The following PSD3 variants were observed in gnomAD, a reference collection of about 807,000 sequenced individuals.
PSD3 encodes pleckstrin and Sec7 domain containing 3, also known as PH and SEC7 domain-containing protein 3.
PSD3 carries 49 observed loss-of-function variants against 105.5 expected under a neutral mutation model. That is an observed-to-expected ratio of 0.46 (90% CI 0.37 to 0.59). PSD3 has a LOEUF of 0.59. PSD3 is among the 20% of genes least tolerant of loss of function. The pLI, the probability that PSD3 is intolerant of heterozygous loss-of-function variation, is 0.00. For synonymous variants in PSD3, 557 were observed against 457.8 expected (o/e 1.22, Z -2.77); for missense variants, 1,561 against 1,263.8 (o/e 1.24, Z -3.57).
intron 1 of PSD3, among the ~76,000 whole-genome samples, chr8:19,023,443 T>C (rs891589831): frequency 6.6e-6 from 1 of 150,752 alleles, no homozygotes; most frequent in Non-Finnish European, 1.5e-5. Flanking sequence ...TTATTATTTC[T>C]TTAGAGACAG....
At chr8:18,859,185 G>A (rs944512812) in intron 4 of PSD3, among the ~76,000 whole-genome samples, 3 of 149,906 alleles carry the variant, frequency 2.0e-5, no homozygotes, top group Non-Finnish European at 3.0e-5. Flanking sequence ...GTGACCAGGC[G>A]TCTTGTCAAT....
chr8:18,678,192 C>T lies in PSD3; in HGVS notation c.2173-22507G>A, dbSNP rs139929237. ...ACTACCAGATTTACTTTGTTCAACA[C>T]ACCACCTCCCTAATTCCTTCAAATG... On this transcript the variant is annotated intron_variant, in intron 9 of 15. Coordinates refer to ENST00000327040, the MANE Select transcript of PSD3 (RefSeq NM_015310.4). Among the ~76,000 whole-genome samples the T allele has an allele frequency of 2.4e-3, 365 of 152,218 alleles. 2 individuals carry two copies. The highest frequency in any genetic ancestry group is 8.4e-3 in the African/African-American group (348 of 41,552).
chr8:18,655,706 A>G (rs1379040462), intron 9 of PSD3, 21 bp from the exon 10 acceptor site: 4 of 1,607,422 alleles, frequency 2.5e-6, no homozygotes, highest in African/African-American at 2.7e-5. Context: ...AGAAAATGAG[A>G]TCACATTATT....
intron 1 of PSD3, among the ~76,000 whole-genome samples, chr8:18,962,420 G>A (rs1471431702): frequency 6.6e-6 from 1 of 152,174 alleles, no homozygotes; most frequent in Admixed American, 6.5e-5. Context: ...GAAATCTTTG[G>A]CTTTCATTAA....
intron 9 of PSD3, among the ~76,000 whole-genome samples, chr8:18,657,122 T>C (rs564367891): frequency 6.6e-6 from 1 of 152,196 alleles, no homozygotes; most frequent in African/African-American, 2.4e-5. Flanking sequence ...TAACCTCTTG[T>C]CTTTCAAACA....
chr8:19,083,756 T>A (rs559898815), intron 1 of PSD3, among the ~76,000 whole-genome samples: 1 of 152,180 alleles, frequency 6.6e-6, no homozygotes, highest in South Asian at 2.1e-4. Context: ...GTGGGGAGGA[T>A]GTTTGCCCAG....
chr8:19,083,352 G>A (rs1199891813), intron 1 of PSD3, among the ~76,000 whole-genome samples: 1 of 152,208 alleles, frequency 6.6e-6, no homozygotes, highest in African/African-American at 2.4e-5. Flanking sequence ...ACAACGGGAA[G>A]GCTGGGCCAG....
At chr8:19,074,605 ATATATATT>A (rs1829392253) in intron 1 of PSD3, among the ~76,000 whole-genome samples, 2 of 18,428 alleles carry the variant, frequency 1.1e-4, no homozygotes, top group East Asian at 1.6e-3. Flanking sequence ...ATATATATAT[ATATATATT>A]TTTTTTTTTT....
chr8:19,020,634 A>G (rs1472731778), intron 1 of PSD3, among the ~76,000 whole-genome samples: 1 of 152,024 alleles, frequency 6.6e-6, no homozygotes, highest in East Asian at 1.9e-4. Context: ...GCAAGGAGGT[A>G]AATTAGGAGG....
chr8:18,734,501 C>G (rs1250838597), intron 9 of PSD3: 1 of 152,122 alleles, frequency 6.6e-6, no homozygotes, highest in African/African-American at 2.4e-5. Flanking sequence ...TTCCTCCTGG[C>G]AAGATGATCT....
chr8:19,013,880 G>C (rs1329055872), upstream of PSD3, among the ~76,000 whole-genome samples: 1 of 150,578 alleles, frequency 6.6e-6, no homozygotes, highest in Non-Finnish European at 1.5e-5. Context: ...CTCGGGGAGG[G>C]GGGAGGTGGC....
intron 10 of PSD3, among the ~76,000 whole-genome samples, chr8:18,642,733 G>C (rs930575435): frequency 1.3e-5 from 2 of 152,108 alleles, no homozygotes; most frequent in Non-Finnish European, 2.9e-5. Context: ...ATCATATTTA[G>C]AAATATTTAA....
chr8:18,662,483 T>C (rs1809419116), intron 9 of PSD3, among the ~76,000 whole-genome samples: 1 of 152,228 alleles, frequency 6.6e-6, no homozygotes, highest in East Asian at 1.9e-4. Context: ...ATGTTATACA[T>C]ATTTTCTTGA....
At chr8:18,698,379 G>T (rs556538243) in intron 9 of PSD3, among the ~76,000 whole-genome samples, 3 of 152,068 alleles carry the variant, frequency 2.0e-5, no homozygotes, top group Admixed American at 2.0e-4. Flanking sequence ...TTGGCCTCCC[G>T]AAGTGCTAAG....
At chr8:18,810,078 A>G (rs990952296) in intron 4 of PSD3, among the ~76,000 whole-genome samples, 1 of 152,116 alleles carries the variant, frequency 6.6e-6, no homozygotes, top group African/African-American at 2.4e-5. Flanking sequence ...AACCACACAA[A>G]TACAAGCTGT....
At chr8:18,652,266 G>T (rs939784081) in intron 10 of PSD3, among the ~76,000 whole-genome samples, 71 of 152,096 alleles carry the variant, frequency 4.7e-4, no homozygotes, top group African/African-American at 1.7e-3. Context: ...TATATAGGAA[G>T]AATTTTTACA....
chr8:18,667,022 C>A (rs941255087), intron 9 of PSD3, among the ~76,000 whole-genome samples: 1 of 152,054 alleles, frequency 6.6e-6, no homozygotes, highest in Non-Finnish European at 1.5e-5. Context: ...TTTTTTCCTT[C>A]TTGTGGGTTC....
chr8:18,584,233 A>G (rs1185234343), intron 12 of PSD3, among the ~76,000 whole-genome samples: 1 of 152,184 alleles, frequency 6.6e-6, no homozygotes, highest in Admixed American at 6.5e-5. Flanking sequence ...AATCAGAGAA[A>G]GGGCAAAGCC....
At chr8:18,631,827 AG>A (rs1305425386) in intron 11 of PSD3, among the ~76,000 whole-genome samples, 1 of 152,034 alleles carries the variant, frequency 6.6e-6, no homozygotes, top group Non-Finnish European at 1.5e-5. Flanking sequence ...TAACACATTA[AG>A]AAAAAGGATC....
Sources: allele counts gnomAD v4.1 joint callset (sites outside exome capture counted in the v4.1 genomes callset), GRCh38; gene constraint gnomAD v4.1.1; transcripts MANE v1.5; gene names NCBI Gene and HGNC (gene_info 2026-07-23, HGNC 2026-07-21).